The following UNKL variants were observed in gnomAD, a reference collection of about 807,000 sequenced individuals.
UNKL encodes unk like zinc finger, also known as putative E3 ubiquitin-protein ligase UNKL.
Under a neutral mutation model 78.0 loss-of-function variants are expected in UNKL, and 60 were observed. The ratio of observed to expected loss-of-function variants is 0.77; its 90% CI spans 0.63 to 0.95. The LOEUF is 0.95. Among genes scored for constraint, UNKL ranks in the 40% least tolerant of loss-of-function variants. The pLI is 0.00. For missense variants in UNKL, 1,159 were observed against 1,045.7 expected (o/e 1.11, Z -1.49); for synonymous variants, 608 against 474.8 (o/e 1.28, Z -3.65).
chr16:1,370,956 A>G (rs939671797), intron 11 of UNKL, among the ~76,000 whole-genome samples: 26 of 151,836 alleles, frequency 1.7e-4, no homozygotes, highest in Non-Finnish European at 3.2e-4. Flanking sequence ...GGTGGCGGGC[A>G]CCTGTAGTCC....
rs1172749940 is a variant in UNKL at position 1,399,936 on chromosome 16, T to G, written c.599-427A>C. Among the ~76,000 whole-genome samples, 5 of 108,098 alleles carry G rather than the reference T, an allele frequency of 4.6e-5. No homozygotes were observed. The highest frequency in any genetic ancestry group is 4.0e-4 in the South Asian group (1 of 2,502). 70.9% of individuals were successfully genotyped at this position (108,098 alleles called of 152,430 possible). A position where few individuals can be genotyped will look rare whatever the true frequency, so the allele number is the denominator to read the frequency against. On this transcript the variant is annotated intron_variant, in intron 4 of 14. Coordinates refer to ENST00000389221, the MANE Select transcript of UNKL (RefSeq NM_001372107.1). The surrounding 1 kb of genome is among the most constrained non-coding windows in gnomAD (Gnocchi z 5.8). ...CCGAAATGCCGCATGGTGAGCCTCA[T>G]GCGCACCACAGCCTCTGGGTGACAA...
chr16:1,387,011 G>A lies in UNKL; in HGVS notation c.1087-1626C>T, dbSNP rs549402100. On this transcript the variant is annotated intron_variant, in intron 9 of 14. Coordinates refer to ENST00000389221, the MANE Select transcript of UNKL (RefSeq NM_001372107.1). This position sits in a 1 kb window ranked among gnomAD's most constrained non-coding sequence, Gnocchi z 4.1. ...ACTTTTCCTCAAGCCATGAAAAAAC[G>A]GACCACAGTCCACCCCGTGAGCATC... 2.0e-5 allele frequency among the ~76,000 whole-genome samples: 3 copies of A among 152,060 alleles called. No individual in the cohort carries two copies. The highest frequency in any genetic ancestry group is 4.4e-5 in the Non-Finnish European group (3 of 68,010).
chr16:1,367,857 A>C lies in UNKL; in HGVS notation c.1587T>G (p.Gly529=). The C allele has an allele frequency of 6.4e-7, 1 of 1,562,574 alleles. No individual in the cohort carries two copies. Residue 529 remains glycine (G), a splice_region_variant and synonymous_variant, in exon 13 of 15, where the codon GGT becomes GGG. Transcript: ENST00000389221. ...AGATGCTCCCGGGGACACCGTTCAA[A>C]CCTGAGTGTGAAACGGTCGATGACG... ...GSAASSYSPL[G]LNGVPGSIWD...
chr16:1,402,136 G>A (rs990942685), intron 3 of UNKL, among the ~76,000 whole-genome samples: 3 of 152,196 alleles, frequency 2.0e-5, no homozygotes, highest in Admixed American at 1.3e-4. Flanking sequence ...TGCTGAGTTC[G>A]TTCTCCTGGA....
Position 1,363,686 on chromosome 16 carries a change from C to A in UNKL, c.*2554G>T. 5.8e-6 allele frequency: 1 copy of A among 172,672 alleles called. No individual in the cohort carries two copies. The highest frequency in any genetic ancestry group is 1.3e-5 in the Non-Finnish European group (1 of 79,890). 10.7% of individuals were successfully genotyped at this position (172,672 alleles called of 1,614,324 possible). A position where few individuals can be genotyped will look rare whatever the true frequency, so the allele number is the denominator to read the frequency against. On this transcript the variant is annotated 3_prime_UTR_variant, in exon 15 of 15. Transcript: ENST00000389221. ...TGCTGTGCCTCAGCCACCTAGGAGC[C>A]ATCCCTGAGGCCATGGCCACCAAGA... is the stretch of plus-strand genomic sequence containing the variant.
intron 10 of UNKL, among the ~76,000 whole-genome samples, chr16:1,382,397 C>T (rs973447989): frequency 1.3e-5 from 2 of 152,352 alleles, no homozygotes; most frequent in South Asian, 4.1e-4. Flanking sequence ...GGCAGGGCAG[C>T]CCCATACTCC....
Position 1,364,323 on chromosome 16 carries a change from A to G in UNKL, c.*1917T>C, listed in dbSNP as rs1374347540. The stretch of plus-strand genomic sequence containing the variant: ...AAACAGTTCTTAAACCACCTACTAT[A>G]TTAAATACATTCTAATTTGGTCACT... On this transcript the variant is annotated 3_prime_UTR_variant, in exon 15 of 15. Coordinates refer to ENST00000389221, the MANE Select transcript of UNKL (RefSeq NM_001372107.1). The G allele has an allele frequency of 6.6e-6, 1 of 152,242 alleles. No homozygotes were observed. Among genetic ancestry groups the G allele is most frequent in the Admixed American group, 6.5e-5 (1 of 15,280 alleles). 9.4% of individuals were successfully genotyped at this position (152,242 alleles called of 1,614,324 possible). A position where few individuals can be genotyped will look rare whatever the true frequency, so the allele number is the denominator to read the frequency against.
intron 2 of UNKL, among the ~76,000 whole-genome samples, chr16:1,411,326 G>C (rs145303911): frequency 6.6e-6 from 1 of 152,096 alleles, no homozygotes; most frequent in East Asian, 1.9e-4. Context: ...ACTCCAGCCT[G>C]GGCAACCAGA....
chr16:1,400,519 G>A (rs2037479532), intron 4 of UNKL, among the ~76,000 whole-genome samples: 2 of 150,128 alleles, frequency 1.3e-5, no homozygotes, highest in Non-Finnish European at 1.5e-5. Flanking sequence ...GCCAGTGAGT[G>A]CAGGGACCAG....
At chr16:1,407,518 G>T (rs1352310309) in intron 2 of UNKL, among the ~76,000 whole-genome samples, 1 of 151,888 alleles carries the variant, frequency 6.6e-6, no homozygotes, top group Non-Finnish European at 1.5e-5. Context: ...AAACCAGCAA[G>T]ACCCCACCCC....
chr16:1,368,608 CA>C (rs757374554), intron 12 of UNKL, among the ~76,000 whole-genome samples: 2,419 of 42,046 alleles, frequency 0.058, 5 homozygotes, highest in Middle Eastern at 0.094. Flanking sequence ...GACTCCGTCT[CA>C]AAAAAAAAAA....
intron 6 of UNKL, chr16:1,394,622 CATG>C (rs2037182988): frequency 2.4e-6 from 1 of 419,452 alleles, no homozygotes; most frequent in African/African-American, 2.0e-5. Context: ...CAGCCCCTCT[CATG>C]AGGTCAACAA....
chr16:1,392,338 C>T (rs546882221), intron 8 of UNKL, among the ~76,000 whole-genome samples: 1 of 152,134 alleles, frequency 6.6e-6, no homozygotes, highest in Non-Finnish European at 1.5e-5. Context: ...GGAGAGACTG[C>T]AGATTGAGGC....
chr16:1,394,188 T>C lies in UNKL; in HGVS notation c.880A>G (p.Met294Val), dbSNP rs1056369508. ...CGCGGGCAGTACCCGGTTTGGCGCA[T>C]GTCGTTGCATTTTGTAGATTTGTAG... ...EIYKSTKCND[M>V]RQTGYCPRGP... The change falls in exon 7 of 15, where the codon ATG (methionine) becomes GTG (valine). Residue 294 changes from methionine (M) to valine (V), a missense_variant. Coordinates refer to ENST00000389221, the MANE Select transcript of UNKL (RefSeq NM_001372107.1). 7 of 1,550,726 alleles carry C rather than the reference T, an allele frequency of 4.5e-6. No homozygotes were observed. The highest frequency in any genetic ancestry group is 6.1e-6 in the Non-Finnish European group (7 of 1,147,022).
At chr16:1,410,126 TG>T (rs2037969208) in intron 2 of UNKL, among the ~76,000 whole-genome samples, 2 of 151,904 alleles carry the variant, frequency 1.3e-5, no homozygotes, top group South Asian at 4.2e-4. Flanking sequence ...TCTCGCCGGG[TG>T]CAGGGCTGCA....
intron 7 of UNKL, among the ~76,000 whole-genome samples, chr16:1,393,512 T>C (rs1364446419): frequency 6.6e-6 from 1 of 151,882 alleles, no homozygotes; most frequent in Non-Finnish European, 1.5e-5. Context: ...CACTGCAGCG[T>C]GGAGGAGGCC....
In UNKL at chr16:1,399,786, C is replaced by G. The variant is rs372921670; in HGVS notation, c.599-277G>C. 9.3e-4 allele frequency among the ~76,000 whole-genome samples: 141 copies of G among 152,268 alleles called. No homozygotes were observed. Among genetic ancestry groups the G allele is most frequent in the African/African-American group, 3.3e-3 (139 of 41,568 alleles). On this transcript the variant is annotated intron_variant, in intron 4 of 14. Transcript: ENST00000389221. The surrounding 1 kb of genome is among the most constrained non-coding windows in gnomAD (Gnocchi z 5.8). Reference sequence around the variant, plus strand: ...CGGAGTGGAGCCGAGACCACCAGGGCTGGGAGGGAGTCCTGCTGTGGGTGT... The same window carrying G: ...CGGAGTGGAGCCGAGACCACCAGGGGTGGGAGGGAGTCCTGCTGTGGGTGT...
intron 10 of UNKL, chr16:1,383,766 G>A (rs1312650061): frequency 1.2e-5 from 5 of 429,444 alleles, no homozygotes; most frequent in Middle Eastern, 3.3e-4. Flanking sequence ...GGGTCCTGAT[G>A]GTGCTGGGGT....
Position 1,387,599 on chromosome 16 carries a change from G to A in UNKL, c.1087-2214C>T, listed in dbSNP as rs2036865085. Among the ~76,000 whole-genome samples, 1 of 152,182 alleles carries A rather than the reference G, an allele frequency of 6.6e-6. No homozygotes were observed. The highest frequency in any genetic ancestry group is 2.1e-4 in the South Asian group (1 of 4,836). On this transcript the variant is annotated intron_variant, in intron 9 of 14. Transcript: ENST00000389221. The surrounding 1 kb of genome is among the most constrained non-coding windows in gnomAD (Gnocchi z 4.1). ...CCTGGGCTGTGGGGCTGAGGAGGCA[G>A]GCACCAGCAAGGGGTGAGTGACGTG... is the stretch of plus-strand genomic sequence containing the variant.
Sources: gnomAD v4.1 joint callset for allele counts (sites outside exome capture counted in the v4.1 genomes callset) on GRCh38, gnomAD v4.1.1 for gene constraint, Gnocchi (gnomAD v3.1) non-coding constraint, MANE v1.5 for transcripts, NCBI Gene and HGNC (gene_info 2026-07-23, HGNC 2026-07-21) for gene names.